Variants in PDE4D observed in about 807,000 individuals in gnomAD.
PDE4D encodes the protein 3',5'-cyclic-AMP phosphodiesterase 4D.
Under a neutral mutation model 87.4 loss-of-function variants are expected in PDE4D, and 24 were observed. That is an observed-to-expected ratio of 0.27 (90% CI 0.20 to 0.39). The LOEUF (loss-of-function observed/expected upper bound fraction) is 0.39, where lower values mean the gene tolerates loss of function less well. Among genes scored for constraint, PDE4D ranks in the 10% least tolerant of loss-of-function variants. The pLI, the probability that PDE4D is intolerant of heterozygous loss-of-function variation, is 1.00. For missense variants in PDE4D, 714 were observed against 1,041.0 expected (o/e 0.69, Z 4.32); for synonymous variants, 384 against 383.2 (o/e 1.00, Z -0.02).
At chr5:60,301,235 T>C (rs1350766590) in intron 1 of PDE4D, among the ~76,000 whole-genome samples, 1 of 152,246 alleles carries the variant, frequency 6.6e-6, no homozygotes, top group Non-Finnish European at 1.5e-5. Context: ...AAATAGTTTC[T>C]TCTAATTCTG....
chr5:59,839,503 G>A (rs1419861333), intron 1 of PDE4D, among the ~76,000 whole-genome samples: 1 of 151,792 alleles, frequency 6.6e-6, no homozygotes, highest in African/African-American at 2.4e-5. Flanking sequence ...GCTTTTGGAG[G>A]AAAGCTCTCA....
intron 1 of PDE4D, among the ~76,000 whole-genome samples, chr5:59,310,021 G>A (rs911178980): frequency 1.3e-5 from 2 of 152,054 alleles, no homozygotes; most frequent in Admixed American, 6.6e-5. Flanking sequence ...ATTCTCTTTG[G>A]TCACTCTTCC....
At chr5:59,870,230 C>G (rs185554282) in intron 1 of PDE4D, among the ~76,000 whole-genome samples, 1 of 152,328 alleles carries the variant, frequency 6.6e-6, no homozygotes, top group Admixed American at 6.5e-5. Context: ...AGAGTTAAAA[C>G]AAGTTAAACA....
chr5:60,003,362 C>A (rs977628382), intron 2 of PDE4D, among the ~76,000 whole-genome samples: 18 of 151,926 alleles, frequency 1.2e-4, no homozygotes, highest in Admixed American at 3.9e-4. Flanking sequence ...ATAGAGAAAA[C>A]CATTGTAAAA....
intron 1 of PDE4D, among the ~76,000 whole-genome samples, chr5:59,571,152 C>T (rs1490387590): frequency 6.6e-6 from 1 of 152,148 alleles, no homozygotes; most frequent in East Asian, 1.9e-4. Context: ...TCATGCTAGA[C>T]ATAGAGGTTT....
intron 1 of PDE4D, among the ~76,000 whole-genome samples, chr5:60,319,105 A>G (rs975541899): frequency 2.6e-5 from 4 of 152,186 alleles, no homozygotes; most frequent in Non-Finnish European, 5.9e-5. Flanking sequence ...CATTCTCCCC[A>G]TCACTTTCAG....
intron 2 of PDE4D, among the ~76,000 whole-genome samples, chr5:60,082,205 C>T (rs1168224590): frequency 6.6e-6 from 1 of 152,110 alleles, no homozygotes; most frequent in Non-Finnish European, 1.5e-5. Context: ...GAGGTAGGGC[C>T]TTTGGGAGGT....
At chr5:59,380,258 A>G (rs1177393920) in intron 1 of PDE4D, among the ~76,000 whole-genome samples, 1 of 152,120 alleles carries the variant, frequency 6.6e-6, no homozygotes, top group Non-Finnish European at 1.5e-5. Context: ...TAACTTATTT[A>G]CTACAAATAG....
chr5:59,791,152 C>A (rs1026494393), intron 1 of PDE4D, among the ~76,000 whole-genome samples: 3 of 152,238 alleles, frequency 2.0e-5, no homozygotes, highest in African/African-American at 7.2e-5. Context: ...AACAGAATAA[C>A]ATCCAAGAGA....
At chr5:59,545,610 A>T (rs2153685640) in intron 1 of PDE4D, among the ~76,000 whole-genome samples, 1 of 152,310 alleles carries the variant, frequency 6.6e-6, no homozygotes, top group South Asian at 2.1e-4. Context: ...GTTAAATGAT[A>T]TGTGGGCTTT....
chr5:59,509,423 CAAAA>C (rs11324683), intron 1 of PDE4D, among the ~76,000 whole-genome samples: 1 of 122,062 alleles, frequency 8.2e-6, no homozygotes, highest in Admixed American at 8.4e-5. Flanking sequence ...GTCTCAGATG[CAAAA>C]AAAAAAAAAA....
intron 1 of PDE4D, among the ~76,000 whole-genome samples, chr5:59,570,536 C>T (rs940176636): frequency 2.0e-5 from 3 of 151,894 alleles, no homozygotes; most frequent in African/African-American, 7.3e-5. Context: ...TTGAAATGCT[C>T]TTAAAATCAT....
chr5:60,090,418 G>C (rs1775004543), intron 2 of PDE4D, among the ~76,000 whole-genome samples: 1 of 152,042 alleles, frequency 6.6e-6, no homozygotes, highest in Non-Finnish European at 1.5e-5. Flanking sequence ...ACAGAATGAA[G>C]GACAAAAACC....
At chr5:59,947,960 T>C (rs1247762736) in intron 3 of PDE4D, among the ~76,000 whole-genome samples, 4 of 152,190 alleles carry the variant, frequency 2.6e-5, no homozygotes, top group Non-Finnish European at 5.9e-5. Flanking sequence ...TGAGCTGAGA[T>C]GGTGCCACTG....
intron 3 of PDE4D, among the ~76,000 whole-genome samples, chr5:59,947,293 A>G (rs1206001793): frequency 6.6e-6 from 1 of 152,196 alleles, no homozygotes; most frequent in African/African-American, 2.4e-5. Context: ...ATCCCTTGGA[A>G]GGCAAGGCTC....
chr5:60,321,845 T>C (rs181149424), intron 1 of PDE4D, among the ~76,000 whole-genome samples: 25 of 151,830 alleles, frequency 1.6e-4, no homozygotes, highest in African/African-American at 5.3e-4. Context: ...AATAAGATAC[T>C]ATCTCACACC....
intron 1 of PDE4D, among the ~76,000 whole-genome samples, chr5:60,473,139 G>A (rs1747969509): frequency 1.3e-5 from 1 of 76,722 alleles, no homozygotes; most frequent in African/African-American, 5.8e-5. Context: ...AAGGAAGGAA[G>A]GAAGGAAGGA....
rs372796331 is a variant in PDE4D, at chr5:59,683,016, A to G, written c.455+210152T>C. On this transcript the variant is annotated intron_variant, in intron 1 of 14. Coordinates refer to ENST00000340635, the MANE Select transcript of PDE4D (RefSeq NM_001104631.2). Reference sequence around the variant, plus strand: ...GGCTACACAGAACATTATTGGGACAATTATTGAAATTTAGAATAAAGTCTG... The same window carrying G: ...GGCTACACAGAACATTATTGGGACAGTTATTGAAATTTAGAATAAAGTCTG... 1.1e-4 allele frequency among the ~76,000 whole-genome samples: 16 copies of G among 152,350 alleles called. 1 individual carries two copies. In the South Asian group the frequency reaches 2.5e-3, roughly 24 times the overall value.
intron 1 of PDE4D, among the ~76,000 whole-genome samples, chr5:60,375,844 T>G (rs527415216): frequency 6.6e-6 from 1 of 152,276 alleles, no homozygotes; most frequent in East Asian, 1.9e-4. Context: ...ATTGAGACCA[T>G]CCTGGCCAAC....
Sources: gnomAD v4.1 joint callset for allele counts (sites outside exome capture counted in the v4.1 genomes callset) on GRCh38, gnomAD v4.1.1 for gene constraint, MANE v1.5 for transcripts, NCBI Gene and HGNC (gene_info 2026-07-23, HGNC 2026-07-21) for gene names.